Variants in ATXN1 observed in about 807,000 individuals in gnomAD.
The protein encoded by ATXN1 is ataxin 1, also known as ataxin-1.
A neutral mutation model predicts 56.4 loss-of-function variants in ATXN1; 8 were observed. The observed-to-expected ratio is 0.14, with a 90% CI of 0.08 to 0.26. The LOEUF (loss-of-function observed/expected upper bound fraction) is 0.26, where lower values mean the gene tolerates loss of function less well. ATXN1 is among the 10% of genes least tolerant of loss of function. The pLI, the probability that ATXN1 is intolerant of heterozygous loss-of-function variation, is 1.00. For synonymous variants in ATXN1, 514 were observed against 494.6 expected (o/e 1.04, Z -0.52); for missense variants, 987 against 1,106.5 (o/e 0.89, Z 1.53).
intron 4 of ATXN1, among the ~76,000 whole-genome samples, chr6:16,569,092 C>T (rs912263776): frequency 6.6e-6 from 1 of 152,192 alleles, no homozygotes; most frequent in African/African-American, 2.4e-5. Flanking sequence ...TTCTATCCCA[C>T]ACCTGGTTTC....
rs1168279935 is a variant in ATXN1, at chr6:16,451,464, C to CA, written c.-161+34507dup. Among the ~76,000 whole-genome samples, 606 of 150,556 alleles carry CA rather than the reference C, an allele frequency of 4.0e-3. 3 individuals carry two copies. The highest frequency in any genetic ancestry group is 0.011 in the African/African-American group (467 of 41,072). On this transcript the variant is annotated intron_variant, in intron 6 of 7. Transcript: ENST00000436367. ...TGGGCGACAGAGCGAGACTCCGTCT[C>CA]AAAAAAAAAGGCCAGGTGCAGTGCC...
chr6:16,466,465 G>A (rs546109147), intron 6 of ATXN1, among the ~76,000 whole-genome samples: 1 of 151,892 alleles, frequency 6.6e-6, no homozygotes, highest in Non-Finnish European at 1.5e-5. Flanking sequence ...CAAGAGGGCA[G>A]TACAATTGAT....
chr6:16,575,161 T>C (rs1355507808), intron 4 of ATXN1, among the ~76,000 whole-genome samples: 1 of 152,200 alleles, frequency 6.6e-6, no homozygotes, highest in East Asian at 1.9e-4. Context: ...TAAACTTTTA[T>C]TTTTCTCCTT....
chr6:16,369,280 A>T (rs1054971409), intron 6 of ATXN1, among the ~76,000 whole-genome samples: 5 of 152,326 alleles, frequency 3.3e-5, no homozygotes, highest in Admixed American at 6.5e-5. Context: ...GGTTTCCCCT[A>T]TTCTACTAGT....
At chr6:16,595,763 A>G (rs1762803143) in intron 3 of ATXN1, among the ~76,000 whole-genome samples, 1 of 152,168 alleles carries the variant, frequency 6.6e-6, no homozygotes. Context: ...GTAAACAAGC[A>G]ACATATGCTA....
chr6:16,611,693 C>T (rs1336262236), intron 3 of ATXN1, among the ~76,000 whole-genome samples: 2 of 151,662 alleles, frequency 1.3e-5, no homozygotes, highest in East Asian at 1.9e-4. Flanking sequence ...TTTTTACTGA[C>T]AAGAGATACA....
At chr6:16,533,069 A>C (rs1282869600) in intron 4 of ATXN1, among the ~76,000 whole-genome samples, 1 of 152,224 alleles carries the variant, frequency 6.6e-6, no homozygotes, top group Admixed American at 6.5e-5. Flanking sequence ...ATTCTGACAC[A>C]TGCTACAACA....
intron 6 of ATXN1, among the ~76,000 whole-genome samples, chr6:16,424,404 T>C (rs1406162096): frequency 1.3e-5 from 2 of 152,282 alleles, no homozygotes; most frequent in South Asian, 4.1e-4. Flanking sequence ...GGAAGTCTGT[T>C]GGGAGCCTGA....
chr6:16,347,961 G>GC (rs1386891273), intron 6 of ATXN1, among the ~76,000 whole-genome samples: 4 of 152,168 alleles, frequency 2.6e-5, no homozygotes, highest in Admixed American at 2.6e-4. Context: ...ACACTCACCG[G>GC]AAAGGTCTGC....
intron 4 of ATXN1, among the ~76,000 whole-genome samples, chr6:16,560,397 C>G (rs1004293270): frequency 1.3e-5 from 2 of 151,752 alleles, no homozygotes; most frequent in Non-Finnish European, 2.9e-5. Context: ...CCATTGCACT[C>G]CAGTTTGGAT....
intron 6 of ATXN1, among the ~76,000 whole-genome samples, chr6:16,430,728 T>C (rs376817641): frequency 0.026 from 3,869 of 149,342 alleles, 61 homozygotes; most frequent in Non-Finnish European, 0.041. Context: ...TGTGTGCGCG[T>C]GTGTGTGTGT....
intron 4 of ATXN1, among the ~76,000 whole-genome samples, chr6:16,538,113 TA>T (rs1156921281): frequency 6.6e-6 from 1 of 152,152 alleles, no homozygotes; most frequent in Non-Finnish European, 1.5e-5. Flanking sequence ...GCACAAGAAA[TA>T]TGTCCACTGA....
intron 3 of ATXN1, among the ~76,000 whole-genome samples, chr6:16,588,742 T>C (rs890893565): frequency 1.3e-5 from 2 of 152,080 alleles, no homozygotes; most frequent in African/African-American, 4.8e-5. Flanking sequence ...TTGCACATTA[T>C]GGGCACTCAA....
rs148876447 is a variant in ATXN1 at position 16,686,316 on chromosome 6, G to A, written c.-614-28415C>T. On this transcript the variant is annotated intron_variant, in intron 2 of 7. Coordinates refer to ENST00000436367, the MANE Select transcript of ATXN1 (RefSeq NM_001128164.2). ...TCCTAAAAGGTATACATACACTTCC[G>A]AAGTAGTATAAAAAAAAGAGGTCAT... Among the ~76,000 whole-genome samples the A allele has an allele frequency of 1.7e-3, 258 of 152,074 alleles. 1 individual carries two copies. Among genetic ancestry groups the A allele is most frequent in the African/African-American group, 6.0e-3 (250 of 41,464 alleles).
chr6:16,327,441 G>A lies in ATXN1; in HGVS notation c.870C>T (p.Val290=). 1 of 1,613,660 alleles carries A rather than the reference G, an allele frequency of 6.2e-7. No homozygotes were observed. Among genetic ancestry groups the A allele is most frequent in the Non-Finnish European group, 8.5e-7 (1 of 1,179,984 alleles). The change falls in exon 7 of 8, where the codon GTC becomes GTT. Residue 290 remains valine, a synonymous_variant. Coordinates refer to ENST00000436367, the MANE Select transcript of ATXN1 (RefSeq NM_001128164.2). The part of the protein sequence containing the change: ...TLTLGPPSQV[V]MQYADSGSHF... ...GGCTGCCGGAGTCGGCGTATTGCAT[G>A]ACGACCTGGGAGGGGGGCCCCAGGG...
intron 6 of ATXN1, among the ~76,000 whole-genome samples, chr6:16,483,724 CTT>C (rs1716404058): frequency 6.6e-6 from 1 of 152,218 alleles, no homozygotes; most frequent in Admixed American, 6.5e-5. Context: ...CTCACTCAAT[CTT>C]TGAGGTCTGA....
intron 6 of ATXN1, among the ~76,000 whole-genome samples, chr6:16,357,510 T>A (rs1761717305): frequency 6.6e-6 from 1 of 152,146 alleles, no homozygotes; most frequent in African/African-American, 2.4e-5. Context: ...CCTCAAATGA[T>A]CCACCCACAT....
At chr6:16,577,234 T>C (rs184970067) in intron 4 of ATXN1, among the ~76,000 whole-genome samples, 1 of 152,240 alleles carries the variant, frequency 6.6e-6, no homozygotes, top group East Asian at 1.9e-4. Flanking sequence ...TATAAAATCT[T>C]GTGGTTTGGC....
chr6:16,629,259 CAT>C (rs1483454386), intron 3 of ATXN1, among the ~76,000 whole-genome samples: 1 of 152,112 alleles, frequency 6.6e-6, no homozygotes, highest in Admixed American at 6.5e-5. Context: ...TCTTATTGGC[CAT>C]ATGTCTTCTT....
Sources: allele counts gnomAD v4.1 joint callset (sites outside exome capture counted in the v4.1 genomes callset), GRCh38; gene constraint gnomAD v4.1.1; transcripts MANE v1.5; gene names NCBI Gene and HGNC (gene_info 2026-07-23, HGNC 2026-07-21).